Variants in IMMP2L observed in about 807,000 individuals in gnomAD.
IMMP2L encodes inner mitochondrial membrane peptidase subunit 2.
In IMMP2L, 18 loss-of-function variants were observed where a neutral mutation model predicts 19.3. The ratio of observed to expected loss-of-function variants is 0.93; its 90% CI spans 0.64 to 1.38. The LOEUF (loss-of-function observed/expected upper bound fraction) is 1.38, where lower values mean the gene tolerates loss of function less well. Among genes scored for constraint, IMMP2L ranks in the 40% most tolerant of loss-of-function variants. The pLI is 0.00. For missense variants in IMMP2L, 233 were observed against 218.2 expected (o/e 1.07, Z -0.43); for synonymous variants, 76 against 73.0 (o/e 1.04, Z -0.21).
chr7:111,401,909 C>A (rs1369738764), intron 3 of IMMP2L, among the ~76,000 whole-genome samples: 3 of 151,800 alleles, frequency 2.0e-5, no homozygotes, highest in South Asian at 4.2e-4. Context: ...TAAAAATATT[C>A]TCTGAGAGAC....
chr7:110,895,857 C>T (rs895608081), intron 4 of IMMP2L, among the ~76,000 whole-genome samples: 2 of 152,122 alleles, frequency 1.3e-5, no homozygotes, highest in Non-Finnish European at 2.9e-5. Flanking sequence ...TGATTTTTCT[C>T]TATTGGTCTT....
intron 5 of IMMP2L, among the ~76,000 whole-genome samples, chr7:110,761,194 A>G (rs1281177152): frequency 6.6e-6 from 1 of 152,146 alleles, no homozygotes; most frequent in African/African-American, 2.4e-5. Context: ...CTCAGTCTGT[A>G]GAATATGAGC....
At position 110,727,295 on chromosome 7, in the gene IMMP2L, G is replaced by A. The variant is rs577453561; in HGVS notation, c.409-63574C>T. ...AATCCCAGCTACTCAGGAGGCTGGG[G>A]CAGGAGAAGCACTTGAACCCAGGAG... On this transcript the variant is annotated intron_variant, in intron 5 of 5. Coordinates refer to ENST00000405709, the MANE Select transcript of IMMP2L (RefSeq NM_032549.4). This position sits in a 1 kb window ranked among gnomAD's most constrained non-coding sequence, Gnocchi z 4.3. Among the ~76,000 whole-genome samples the A allele has an allele frequency of 1.4e-3, 206 of 152,254 alleles. 1 individual carries two copies. Among genetic ancestry groups the A allele is most frequent in the African/African-American group, 4.9e-3 (203 of 41,548 alleles).
chr7:110,777,396 G>A (rs534083694), intron 5 of IMMP2L, among the ~76,000 whole-genome samples: 6 of 151,980 alleles, frequency 3.9e-5, no homozygotes, highest in East Asian at 3.9e-4. Context: ...GTAGTCATCC[G>A]GGACAATTTG....
intron 5 of IMMP2L, among the ~76,000 whole-genome samples, chr7:110,775,872 AC>A (rs1219292904): frequency 6.6e-6 from 1 of 151,956 alleles, no homozygotes; most frequent in African/African-American, 2.4e-5. Context: ...TTCCATGCCC[AC>A]GCATTACCCT....
intron 3 of IMMP2L, among the ~76,000 whole-genome samples, chr7:111,399,723 C>T (rs1833242737): frequency 6.6e-6 from 1 of 152,076 alleles, no homozygotes; most frequent in Non-Finnish European, 1.5e-5. Context: ...TTGTTTTTAA[C>T]ATGTACTAAC....
At chr7:111,130,095 T>C (rs551852144) in intron 3 of IMMP2L, among the ~76,000 whole-genome samples, 2 of 152,272 alleles carry the variant, frequency 1.3e-5, no homozygotes, top group Admixed American at 6.5e-5. Flanking sequence ...CTACAGAGAT[T>C]TGAATTTACC....
chr7:110,884,168 T>C (rs1403743460), intron 5 of IMMP2L, among the ~76,000 whole-genome samples: 7 of 151,980 alleles, frequency 4.6e-5, no homozygotes, highest in African/African-American at 1.7e-4. Flanking sequence ...AGCAGAAAAT[T>C]TGTCACTATC....
chr7:111,023,559 A>C (rs544144237), intron 3 of IMMP2L, among the ~76,000 whole-genome samples: 1 of 151,746 alleles, frequency 6.6e-6, no homozygotes, highest in East Asian at 1.9e-4. Context: ...AAAAAAAAAA[A>C]ATTAGCCAGG....
At chr7:111,485,096 A>G (rs1017695485) in intron 3 of IMMP2L, among the ~76,000 whole-genome samples, 1 of 152,180 alleles carries the variant, frequency 6.6e-6, no homozygotes, top group Non-Finnish European at 1.5e-5. Flanking sequence ...ACCTAAAAAA[A>G]TACTTTAAAT....
At chr7:111,381,102 A>G (rs1180121349) in intron 3 of IMMP2L, among the ~76,000 whole-genome samples, 2 of 152,012 alleles carry the variant, frequency 1.3e-5, no homozygotes, top group Non-Finnish European at 2.9e-5. Context: ...GAACTGTTGT[A>G]GCTGATTAAC....
intron 3 of IMMP2L, among the ~76,000 whole-genome samples, chr7:111,408,916 C>T (rs560310024): frequency 2.2e-4 from 34 of 151,530 alleles, no homozygotes; most frequent in Non-Finnish European, 3.8e-4. Flanking sequence ...ACCTTCAATT[C>T]CTTTGCAGAC....
intron 3 of IMMP2L, among the ~76,000 whole-genome samples, chr7:111,341,172 C>T (rs150607402): frequency 2.6e-5 from 4 of 152,170 alleles, no homozygotes; most frequent in African/African-American, 9.6e-5. Context: ...AGTAATAATT[C>T]GTCTACTAAT....
intron 3 of IMMP2L, among the ~76,000 whole-genome samples, chr7:111,476,679 G>A (rs945186475): frequency 1.3e-5 from 2 of 152,100 alleles, no homozygotes; most frequent in Non-Finnish European, 2.9e-5. Context: ...TAAGACCGAG[G>A]TACTTGTTTC....
At chr7:111,228,579 G>A (rs1813358235) in intron 3 of IMMP2L, among the ~76,000 whole-genome samples, 1 of 152,020 alleles carries the variant, frequency 6.6e-6, no homozygotes, top group African/African-American at 2.4e-5. Flanking sequence ...TGTGTTAGAA[G>A]TGCAAGAAGA....
chr7:111,518,261 A>G (rs1037684055), intron 2 of IMMP2L, among the ~76,000 whole-genome samples: 1 of 152,152 alleles, frequency 6.6e-6, no homozygotes, highest in Non-Finnish European at 1.5e-5. Flanking sequence ...TTTTTGAAAG[A>G]CCGAAAAACA....
At chr7:111,368,244 C>A (rs1829966237) in intron 3 of IMMP2L, among the ~76,000 whole-genome samples, 1 of 151,914 alleles carries the variant, frequency 6.6e-6, no homozygotes, top group South Asian at 2.1e-4. Context: ...GACATCACCC[C>A]TACTTCTTTT....
intron 3 of IMMP2L, among the ~76,000 whole-genome samples, chr7:111,128,339 A>T (rs1371367292): frequency 2.0e-5 from 3 of 152,214 alleles, no homozygotes; most frequent in Non-Finnish European, 2.9e-5. Context: ...GTAATTTGGT[A>T]AAGTCCCAGC....
intron 3 of IMMP2L, among the ~76,000 whole-genome samples, chr7:111,217,513 G>A (rs944876113): frequency 2.0e-5 from 3 of 152,104 alleles, no homozygotes; most frequent in Non-Finnish European, 2.9e-5. Flanking sequence ...GCCTACAGCA[G>A]AGCAGAGTAG....
Sources: gnomAD v4.1 joint callset for allele counts (sites outside exome capture counted in the v4.1 genomes callset) on GRCh38, gnomAD v4.1.1 for gene constraint, Gnocchi (gnomAD v3.1) non-coding constraint, MANE v1.5 for transcripts, NCBI Gene and HGNC (gene_info 2026-07-23, HGNC 2026-07-21) for gene names.